Variants in KCNA4 observed in about 807,000 individuals in gnomAD.
KCNA4 encodes cardiac potassium channel.
Under a neutral mutation model 37.2 loss-of-function variants are expected in KCNA4, and 5 were observed. The observed-to-expected ratio is 0.13, with a 90% confidence interval of 0.07 to 0.28. The LOEUF (loss-of-function observed/expected upper bound fraction) is 0.28. Ranked by LOEUF, KCNA4 falls within the 10% of genes least tolerant of loss-of-function variation. The pLI, the probability that KCNA4 is intolerant of heterozygous loss-of-function variation, is 1.00. For synonymous variants in KCNA4, 350 were observed against 311.8 expected (o/e 1.12, Z -1.29); for missense variants, 634 against 817.4 (o/e 0.78, Z 2.74).
rs1850309718 is a variant in KCNA4 at position 30,012,135 on chromosome 11, C to T, written c.544G>A (p.Val182Met). 2 of 1,614,200 alleles carry T rather than the reference C, an allele frequency of 1.2e-6. No individual in the cohort carries two copies. Among genetic ancestry groups the T allele is most frequent in the Non-Finnish European group, 1.7e-6 (2 of 1,180,040 alleles). Residue 182 changes from valine (V) to methionine (M), a missense_variant, in exon 2 of 2, where the codon GTG becomes ATG. Physicochemically the swap from Val to Met is conservative, Grantham distance 21. Transcript: ENST00000328224. ...TGGGTCTCAAAGCGTAGGCCTGACACATTTATCACCACACGTTCACAACAG... is the reference window on the plus strand; with the variant it reads ...TGGGTCTCAAAGCGTAGGCCTGACATATTTATCACCACACGTTCACAACAG... ...SDCCERVVIN[V>M]SGLRFETQMK...
chr11:30,009,960 T>A lies in KCNA4; in HGVS notation c.*757A>T, dbSNP rs1362026627. 6.6e-6 allele frequency: 1 copy of A among 152,024 alleles called. No homozygotes were observed. Among genetic ancestry groups the A allele is most frequent in the African/African-American group, 2.4e-5 (1 of 41,410 alleles). 9.4% of individuals were successfully genotyped at this position (152,024 alleles called of 1,614,324 possible). ...GAAGTCTCTCTCAATCTCCAGCATATAAAGTAGTGCAAAGAAAAAAAAATC... is the reference window on the plus strand; with the variant it reads ...GAAGTCTCTCTCAATCTCCAGCATAAAAAGTAGTGCAAAGAAAAAAAAATC... On this transcript the variant is annotated 3_prime_UTR_variant, in exon 2 of 2. Coordinates refer to ENST00000328224, the MANE Select transcript of KCNA4 (RefSeq NM_002233.4).
rs376461903 is a variant in KCNA4, at chr11:30,011,821, C to A, written c.858G>T (p.Glu286Asp). 6.2e-7 allele frequency: 1 copy of A among 1,613,996 alleles called. No individual in the cohort carries two copies. Among genetic ancestry groups the A allele is most frequent in the Non-Finnish European group, 8.5e-7 (1 of 1,179,990 alleles). ...GCCAAATCTGCTTTTTAAATTCATT[C>A]TCGGGGAGGGCCCTGTCTTCCTCTT... ...VREEEDRALPENEFKKQIWLL... is the reference protein window; with the variant it reads ...VREEEDRALPDNEFKKQIWLL... The change falls in exon 2 of 2, where the codon GAG becomes GAT. Residue 286 changes from glutamate (E) to aspartate (D), a missense_variant. Glu to Asp is a conservative substitution (Grantham distance 45). Transcript: ENST00000328224. The surrounding 1 kb of genome is among the most constrained non-coding windows in gnomAD (Gnocchi z 5.6).
In KCNA4 at chr11:30,011,059, G is replaced by C; in HGVS notation, c.1620C>G (p.Val540=). 1 of 1,614,154 alleles carries C rather than the reference G, an allele frequency of 6.2e-7. No individual in the cohort carries two copies. Reference sequence around the variant, plus strand: ...CACCCGCAATGGCACACAGGGACCCGACAATCTTGCCCCCTACAGTGATGG... The same window carrying C: ...CACCCGCAATGGCACACAGGGACCCCACAATCTTGCCCCCTACAGTGATGG... ...MKPITVGGKI[V]GSLCAIAGVL... Residue 540 remains valine, a synonymous_variant, in exon 2 of 2, where the codon GTC becomes GTG. Coordinates refer to ENST00000328224, the MANE Select transcript of KCNA4 (RefSeq NM_002233.4). The surrounding 1 kb of genome is among the most constrained non-coding windows in gnomAD (Gnocchi z 5.6).
intron 1 of KCNA4, among the ~76,000 whole-genome samples, chr11:30,015,922 A>C (rs1590494476): frequency 1.3e-5 from 2 of 149,180 alleles, no homozygotes; most frequent in Non-Finnish European, 3.0e-5. Context: ...TCCTCCTCTC[A>C]CCCCTCCAAC....
Position 30,010,855 on chromosome 11 carries a change from C to A in KCNA4, c.1824G>T (p.Lys608Asn). The change falls in exon 2 of 2, where the codon AAG becomes AAT. Residue 608 changes from lysine (K) to asparagine (N), a missense_variant. By Grantham distance (94) the Lys-to-Asn change is moderately conservative. Around this residue, in one of 8 missense-constraint regions of KCNA4, gnomAD observed 91 missense variants for 95.8 expected, o/e 0.95. Coordinates refer to ENST00000328224, the MANE Select transcript of KCNA4 (RefSeq NM_002233.4). ...CTTCTTCCATCTCTAGATACTCTGA[C>A]TTGTCCCCCAGGGAAGAAGAAGTAG... The part of the protein sequence containing the change: ...RSSTSSSLGD[K>N]SEYLEMEEGV... 1.2e-6 allele frequency: 2 copies of A among 1,614,210 alleles called. No homozygotes were observed. The highest frequency in any genetic ancestry group is 1.7e-6 in the Non-Finnish European group (2 of 1,180,036).
intron 1 of KCNA4, among the ~76,000 whole-genome samples, chr11:30,014,437 A>T (rs1386550348): frequency 6.6e-6 from 1 of 152,090 alleles, no homozygotes; most frequent in Non-Finnish European, 1.5e-5. Flanking sequence ...GTTCACCTCA[A>T]TGGTTCCTCC....
intron 1 of KCNA4, among the ~76,000 whole-genome samples, chr11:30,014,758 C>T (rs1850336734): frequency 6.6e-6 from 1 of 152,146 alleles, no homozygotes; most frequent in South Asian, 2.1e-4. Flanking sequence ...CCATCCAAAT[C>T]TCCTGTCTCC....
At position 30,012,708 on chromosome 11, in the gene KCNA4, A is replaced by T. The variant is rs376154594; in HGVS notation, c.-30T>A. ...GTGGTTTTCGGAAATGGCTGGTTCC[A>T]GTTGTAGAAGAAGAAGAAAGAAAAA... On this transcript the variant is annotated 5_prime_UTR_variant, in exon 2 of 2. Coordinates refer to ENST00000328224, the MANE Select transcript of KCNA4 (RefSeq NM_002233.4). 2.7e-5 allele frequency: 41 copies of T among 1,512,902 alleles called. No homozygotes were observed. The highest frequency in any genetic ancestry group is 2.4e-5 in the Non-Finnish European group (27 of 1,130,512). 93.7% of individuals were successfully genotyped at this position (1,512,902 alleles called of 1,614,324 possible).
chr11:30,016,037 G>C (rs1246257321), intron 1 of KCNA4, among the ~76,000 whole-genome samples: 1 of 152,194 alleles, frequency 6.6e-6, no homozygotes. Context: ...GAGAAACTGA[G>C]AGAGGGAATC....
Position 30,010,822 on chromosome 11 carries a change from C to T in KCNA4, c.1857G>A (p.Lys619=), listed in dbSNP as rs1850296347. ...SEYLEMEEGV[K]ESLCAKEEKC... ...TCTCCTCCTTTGCACACAGAGATTC[C>T]TTAACTCCTTCTTCCATCTCTAGAT... Residue 619 remains lysine (K), a synonymous_variant, in exon 2 of 2, where the codon AAG becomes AAA. Transcript: ENST00000328224. The T allele has an allele frequency of 1.9e-6, 3 of 1,614,208 alleles. No individual in the cohort carries two copies. The highest frequency in any genetic ancestry group is 2.5e-6 in the Non-Finnish European group (3 of 1,180,044).
chr11:30,011,938 G>A lies in KCNA4; in HGVS notation c.741C>T (p.Val247=). 7 of 1,614,110 alleles carry A rather than the reference G, an allele frequency of 4.3e-6. No homozygotes were observed. Among genetic ancestry groups the A allele is most frequent in the Non-Finnish European group, 5.9e-6 (7 of 1,180,016 alleles). Residue 247 remains valine, a synonymous_variant, in exon 2 of 2, where the codon GTC becomes GTT. Transcript: ENST00000328224. The surrounding 1 kb of genome is among the most constrained non-coding windows in gnomAD (Gnocchi z 5.6). ...SGGRLKRPVN[V]PFDIFTEEVK... ...CCTCCTCAGTGAAGATATCAAAGGGGACATTGACTGGCCTCTTCAGGCGGC... is the reference window on the plus strand; with the variant it reads ...CCTCCTCAGTGAAGATATCAAAGGGAACATTGACTGGCCTCTTCAGGCGGC...
intron 1 of KCNA4, 52 bp from the exon 2 acceptor site, chr11:30,013,512 C>T (rs1342619355): frequency 6.3e-6 from 1 of 159,304 alleles, no homozygotes; most frequent in Non-Finnish European, 1.5e-5. Flanking sequence ...GGAAACAAAT[C>T]ATAAAGAGCA....
In KCNA4 at chr11:30,012,158, C is replaced by A; in HGVS notation, c.521G>T (p.Cys174Phe). 6.2e-7 allele frequency: 1 copy of A among 1,614,238 alleles called. No individual in the cohort carries two copies. The change falls in exon 2 of 2, where the codon TGT becomes TTT. Residue 174 changes from cysteine to phenylalanine, a missense_variant. Physicochemically the swap from Cys to Phe is radical, Grantham distance 205. Around this residue, in one of 8 missense-constraint regions of KCNA4, gnomAD observed 236 missense variants for 229.5 expected, o/e 1.03. Transcript: ENST00000328224. The stretch of plus-strand genomic sequence containing the variant: ...CACATTTATCACCACACGTTCACAA[C>A]AGTCACTGTAGCGGACTGAACTGTA... ...GGYSSVRYSDCCERVVINVSG... is the reference protein window; with the variant it reads ...GGYSSVRYSDFCERVVINVSG...
intron 1 of KCNA4, among the ~76,000 whole-genome samples, chr11:30,013,758 T>G (rs1024648511): frequency 6.6e-6 from 1 of 152,180 alleles, no homozygotes; most frequent in Admixed American, 6.5e-5. Flanking sequence ...CCTTCACCAA[T>G]GCTAGGTCTT....
rs1484881589 is a variant in KCNA4, at chr11:30,017,009, C to A, written c.-1220G>T. 2.5e-6 allele frequency: 1 copy of A among 398,096 alleles called. No individual in the cohort carries two copies. Among genetic ancestry groups the A allele is most frequent in the South Asian group, 1.3e-4 (1 of 7,862 alleles). The allele number at this position is 398,096 out of a possible 1,614,324, so 24.7% of individuals were successfully genotyped here. ...CTGGCTGCGGGAGCAGCACACGCCT[C>A]CCCTGGCCGCGAACGCGCTCTGGGC... On this transcript the variant is annotated 5_prime_UTR_variant, in exon 1 of 2. Transcript: ENST00000328224.
chr11:30,012,626 G>C lies in KCNA4; in HGVS notation c.53C>G (p.Pro18Arg), dbSNP rs777613450. 19 of 1,600,096 alleles carry C rather than the reference G, an allele frequency of 1.2e-5. No individual in the cohort carries two copies. Among genetic ancestry groups the C allele is most frequent in the Non-Finnish European group, 1.5e-5 (18 of 1,172,898 alleles). The change falls in exon 2 of 2, where the codon CCT (proline) becomes CGT (arginine). Residue 18 changes from proline (P) to arginine (R), a missense_variant. Pro to Arg is a moderately radical substitution (Grantham distance 103, BLOSUM62 -2). Transcript: ENST00000328224. Reference sequence around the variant, plus strand: ...CCGGGCCTGGGCAGCATAACCATAAGGCATGTGACTGTTGCACCCTGAGCT... The same window carrying C: ...CCGGGCCTGGGCAGCATAACCATAACGCATGTGACTGTTGCACCCTGAGCT... ...AESSGCNSHM[P>R]YGYAAQARAR...
rs751056487 is a variant in KCNA4 at position 30,010,949 on chromosome 11, G to A, written c.1730C>T (p.Thr577Ile). The change falls in exon 2 of 2, where the codon ACA (threonine) becomes ATA (isoleucine). Residue 577 changes from threonine to isoleucine, a missense_variant. Around this residue, in one of 8 missense-constraint regions of KCNA4, gnomAD observed 91 missense variants for 95.8 expected, o/e 0.95. Coordinates refer to ENST00000328224, the MANE Select transcript of KCNA4 (RefSeq NM_002233.4). ...ACTGACTGCATTCTGCGTTAGCTGT[G>A]TCTGTTCCTCATTTTCAGTCTCTCT... The part of the protein sequence containing the change: ...YHRETENEEQ[T>I]QLTQNAVSCP... The A allele has an allele frequency of 1.5e-5, 25 of 1,614,068 alleles. No individual in the cohort carries two copies. The Admixed American group carries it at 1.7e-4, about 11-fold the overall frequency.
Position 30,012,043 on chromosome 11 carries a change from A to T in KCNA4, c.636T>A (p.Phe212Leu). The stretch of plus-strand genomic sequence containing the variant: ...AAAAATACTCATTGCGCAAAGGGTC[A>T]AAGTACTGAGTCCTCTTTTCAGGGT... ...LGDPEKRTQY[F>L]DPLRNEYFFD... The change falls in exon 2 of 2, where the codon TTT (phenylalanine) becomes TTA (leucine). Residue 212 changes from phenylalanine (F) to leucine (L), a missense_variant. Coordinates refer to ENST00000328224, the MANE Select transcript of KCNA4 (RefSeq NM_002233.4). 6.2e-7 allele frequency: 1 copy of T among 1,614,172 alleles called. No homozygotes were observed. The highest frequency in any genetic ancestry group is 8.5e-7 in the Non-Finnish European group (1 of 1,180,024).
chr11:30,010,523 C>T lies in KCNA4; in HGVS notation c.*194G>A. 3 of 880,460 alleles carry T rather than the reference C, an allele frequency of 3.4e-6. No individual in the cohort carries two copies. The highest frequency in any genetic ancestry group is 4.8e-6 in the Non-Finnish European group (3 of 622,268). The allele number at this position is 880,460 out of a possible 1,614,324, so 54.5% of individuals were successfully genotyped here. On this transcript the variant is annotated 3_prime_UTR_variant, in exon 2 of 2. Coordinates refer to ENST00000328224, the MANE Select transcript of KCNA4 (RefSeq NM_002233.4). ...TAAAGATAGATTTGCTCCTATTCCT[C>T]CCTCTTCTCCAAGATGTATCATTTA...
Sources: gnomAD v4.1 joint callset for allele counts (sites outside exome capture counted in the v4.1 genomes callset) on GRCh38, gnomAD v4.1.1 for gene constraint, gnomAD v4.1.1 regional missense constraint, Gnocchi (gnomAD v3.1) non-coding constraint, MANE v1.5 for transcripts, NCBI Gene and HGNC (gene_info 2026-07-23, HGNC 2026-07-21) for gene names.